The following LIPH variants were observed in gnomAD, a reference collection of about 807,000 sequenced individuals.
LIPH encodes the protein lipase H, also known as lipase member H.
A neutral mutation model predicts 47.6 loss-of-function variants in LIPH; 32 were observed. The ratio of observed to expected loss-of-function variants is 0.67; its 90% CI spans 0.51 to 0.90. The LOEUF is 0.90. Ranked by LOEUF, LIPH falls within the 40% of genes least tolerant of loss-of-function variation. LIPH has a pLI of 0.00. For synonymous variants in LIPH, 190 were observed against 195.6 expected (o/e 0.97, Z 0.24); for missense variants, 497 against 541.4 (o/e 0.92, Z 0.81).
chr3:185,539,458 C>G (rs544676057), intron 1 of LIPH, among the ~76,000 whole-genome samples: 6 of 59,116 alleles, frequency 1.0e-4, no homozygotes, highest in African/African-American at 3.7e-4. Flanking sequence ...CAACATCGGC[C>G]CCCCCGGGTT....
At chr3:185,538,766 T>TGTACATATATACACACATATATAC (rs1491402615) in intron 1 of LIPH, among the ~76,000 whole-genome samples, 3 of 7,906 alleles carry the variant, frequency 3.8e-4, no homozygotes, top group African/African-American at 7.9e-4. Context: ...TACATATATA[T>TGTACATATATACACACATATATAC]GTACATATAT....
intron 4 of LIPH, among the ~76,000 whole-genome samples, chr3:185,524,398 G>A (rs927688186): frequency 2.0e-5 from 3 of 151,948 alleles, no homozygotes; most frequent in Non-Finnish European, 2.9e-5. Flanking sequence ...ACAACCCTAG[G>A]GAGTTTAGTC....
intron 8 of LIPH, among the ~76,000 whole-genome samples, 167 bp from the exon 9 acceptor site, chr3:185,511,864 C>G (rs999515118): frequency 4.0e-5 from 6 of 150,236 alleles, no homozygotes; most frequent in Admixed American, 2.0e-4. Context: ...CACTGTTGCC[C>G]AGGCTGGAGT....
chr3:185,548,129 G>A (rs1040880035), intron 1 of LIPH, among the ~76,000 whole-genome samples: 6 of 152,102 alleles, frequency 3.9e-5, no homozygotes, highest in East Asian at 3.9e-4. Flanking sequence ...AGTTGGGGCC[G>A]GGCGCAGTGG....
rs1719423008 is a variant in LIPH, at chr3:185,507,746, C to G, written c.*1044G>C. The G allele has an allele frequency of 6.6e-6, 1 of 152,124 alleles. No individual in the cohort carries two copies. The highest frequency in any genetic ancestry group is 2.4e-5 in the African/African-American group (1 of 41,408). The allele number at this position is 152,124 out of a possible 1,614,324, so 9.4% of individuals were successfully genotyped here. A position where few individuals can be genotyped will look rare whatever the true frequency, so the allele number is the denominator to read the frequency against. On this transcript the variant is annotated 3_prime_UTR_variant, in exon 10 of 10. Coordinates refer to ENST00000296252, the MANE Select transcript of LIPH (RefSeq NM_139248.3). Reference sequence around the variant, plus strand: ...TGGCAAAATAGGTGACAGCCTTGTTCCAAAAGGCTAACATTAATTACCTCT... The same window carrying G: ...TGGCAAAATAGGTGACAGCCTTGTTGCAAAAGGCTAACATTAATTACCTCT...
At position 185,519,231 on chromosome 3, in the gene LIPH, G is replaced by C. The variant is rs1474901389; in HGVS notation, c.797C>G (p.Thr266Ser). The C allele has an allele frequency of 6.2e-7, 1 of 1,612,530 alleles. No individual in the cohort carries two copies. The highest frequency in any genetic ancestry group is 8.5e-7 in the Non-Finnish European group (1 of 1,178,672). The part of the protein sequence containing the change: ...LSSLRESCTI[T>S]AYPCDSYQDY... ...CTGGTAGGAGTCACAGGGATACGCA[G>C]TGATGGTGCAGCTCTCTCTCAGGGA... Residue 266 changes from threonine to serine, a missense_variant, in exon 6 of 10, where the codon ACT becomes AGT. Thr to Ser is a moderately conservative substitution (Grantham distance 58). Coordinates refer to ENST00000296252, the MANE Select transcript of LIPH (RefSeq NM_139248.3).
In LIPH at chr3:185,507,491, C is replaced by A. The variant is rs1470520080; in HGVS notation, c.*1299G>T. The A allele has an allele frequency of 6.6e-6, 1 of 152,232 alleles. No individual in the cohort carries two copies. Among genetic ancestry groups the A allele is most frequent in the Admixed American group, 6.5e-5 (1 of 15,274 alleles). The allele number at this position is 152,232 out of a possible 1,614,324, so 9.4% of individuals were successfully genotyped here. ...CACCTCCTTTTCACAGACCTTCCTG[C>A]AGTGGCCACAGCCATGGGACAGATC... On this transcript the variant is annotated 3_prime_UTR_variant, in exon 10 of 10. Coordinates refer to ENST00000296252, the MANE Select transcript of LIPH (RefSeq NM_139248.3).
intron 6 of LIPH, among the ~76,000 whole-genome samples, chr3:185,518,904 T>G (rs938510768): frequency 3.3e-4 from 50 of 151,436 alleles, no homozygotes. Flanking sequence ...TTTGTATTTT[T>G]GTAGAGACAG....
chr3:185,534,613 G>A (rs183567162), intron 2 of LIPH, 152 bp downstream of exon 2: 3 of 721,992 alleles, frequency 4.2e-6, no homozygotes, highest in East Asian at 5.3e-5. Context: ...ATTTTGCACA[G>A]CCCCTCATCC....
intron 3 of LIPH, 58 bp from the exon 4 acceptor site, chr3:185,527,643 C>G: frequency 9.0e-7 from 1 of 1,112,284 alleles, no homozygotes; most frequent in Non-Finnish European, 1.4e-6. Flanking sequence ...TGCAGCCGGG[C>G]CTTTGATCCT....
Position 185,517,172 on chromosome 3 carries a change from A to G in LIPH, c.887-10T>C, listed in dbSNP as rs767547563. 2.5e-5 allele frequency: 36 copies of G among 1,448,002 alleles called. No individual in the cohort carries two copies. The South Asian group carries it at 4.0e-4, about 16-fold the overall frequency. 89.7% of individuals were successfully genotyped at this position (1,448,002 alleles called of 1,614,324 possible). A position where few individuals can be genotyped will look rare whatever the true frequency, so the allele number is the denominator to read the frequency against. ...TTATCAGCATAATAGCCTATGAAAC[A>G]AGTTTAAAAAATTGTAAGATTAATA... On this transcript the variant is annotated splice_polypyrimidine_tract_variant and intron_variant, in intron 6 of 9. Transcript: ENST00000296252.
Position 185,508,714 on chromosome 3 carries a change from G to T in LIPH, c.*76C>A, listed in dbSNP as rs1719459899. Reference sequence around the variant, plus strand: ...TCATACTTTTTCTGCCTTGCAGAAAGGTGAGGTGAAGCTTTCAAACAGCCT... The same window carrying T: ...TCATACTTTTTCTGCCTTGCAGAAATGTGAGGTGAAGCTTTCAAACAGCCT... On this transcript the variant is annotated 3_prime_UTR_variant, in exon 10 of 10. Coordinates refer to ENST00000296252, the MANE Select transcript of LIPH (RefSeq NM_139248.3). The T allele has an allele frequency of 9.5e-7, 1 of 1,048,242 alleles. No individual in the cohort carries two copies. Among genetic ancestry groups the T allele is most frequent in the Non-Finnish European group, 1.5e-6 (1 of 665,588 alleles). 64.9% of individuals were successfully genotyped at this position (1,048,242 alleles called of 1,614,324 possible).
intron 5 of LIPH, among the ~76,000 whole-genome samples, chr3:185,522,340 T>C (rs1449887063): frequency 6.6e-6 from 1 of 152,160 alleles, no homozygotes; most frequent in African/African-American, 2.4e-5. Context: ...TAAGGGTCAT[T>C]CTCAGGGTAT....
At chr3:185,533,426 C>T in intron 3 of LIPH, 145 bp downstream of exon 3, 1 of 708,106 alleles carries the variant, frequency 1.4e-6, no homozygotes, top group Non-Finnish European at 2.6e-6. Context: ...TTTTGATCTT[C>T]CTTTTGCATG....
rs550163991 is a variant in LIPH at position 185,529,418 on chromosome 3, CT to C, written c.527-1834del. Among the ~76,000 whole-genome samples the C allele has an allele frequency of 4.8e-3, 654 of 135,034 alleles. 1 individual carries two copies. Among genetic ancestry groups the C allele is most frequent in the African/African-American group, 0.015 (550 of 36,946 alleles). 88.6% of individuals were successfully genotyped at this position (135,034 alleles called of 152,430 possible). On this transcript the variant is annotated intron_variant, in intron 3 of 9. Transcript: ENST00000296252. Reference sequence around the variant, plus strand: ...CCTAAGTTCTAGCCTTTTTCTTTTTCTTTTTTTTTTTTTAATTTGTGGGGGT... The same window carrying C: ...CCTAAGTTCTAGCCTTTTTCTTTTTCTTTTTTTTTTTTAATTTGTGGGGGT...
intron 1 of LIPH, among the ~76,000 whole-genome samples, chr3:185,550,912 G>A (rs193246599): frequency 1.3e-4 from 20 of 152,214 alleles, no homozygotes; most frequent in East Asian, 5.8e-4. Flanking sequence ...TAGGCCGGGC[G>A]CGGTGGCTCA....
chr3:185,536,013 A>T (rs1173340969), intron 1 of LIPH, among the ~76,000 whole-genome samples: 1 of 152,204 alleles, frequency 6.6e-6, no homozygotes, highest in Non-Finnish European at 1.5e-5. Context: ...AGCCACCTTA[A>T]TGAAGCCTTC....
chr3:185,528,218 AAGAAAG>A lies in LIPH; in HGVS notation c.527-639_527-634del, dbSNP rs940408842. On this transcript the variant is annotated intron_variant, in intron 3 of 9. Transcript: ENST00000296252. ...GCAGAGCAAGGCTCTGTCTCGAAGA[AAGAAAG>A]AGAGAGAGAGAGAGAGAGAGAGAAA... Among the ~76,000 whole-genome samples the A allele has an allele frequency of 3.1e-4, 29 of 94,600 alleles. No individual in the cohort carries two copies. The East Asian group carries it at 4.2e-3, about 14-fold the overall frequency. The allele number at this position is 94,600 out of a possible 152,430, so 62.1% of individuals were successfully genotyped here. A position where few individuals can be genotyped will look rare whatever the true frequency, so the allele number is the denominator to read the frequency against.
chr3:185,518,018 A>G (rs1175399935), intron 6 of LIPH, among the ~76,000 whole-genome samples: 1 of 152,144 alleles, frequency 6.6e-6, no homozygotes, highest in Non-Finnish European at 1.5e-5. Flanking sequence ...TTACATAGAC[A>G]TGAGTCTGTG....
Sources: gnomAD v4.1 joint callset for allele counts (sites outside exome capture counted in the v4.1 genomes callset) on GRCh38, gnomAD v4.1.1 for gene constraint, MANE v1.5 for transcripts, NCBI Gene and HGNC (gene_info 2026-07-23, HGNC 2026-07-21) for gene names.